ELAVL2: variants seen among roughly 807,000 people sequenced by gnomAD.
The protein encoded by ELAVL2 is ELAV like RNA binding protein 2, also known as ELAV-like protein 2.
Under a neutral mutation model 34.6 loss-of-function variants are expected in ELAVL2, and 4 were observed. That is an observed-to-expected ratio of 0.12 (90% CI 0.06 to 0.26). The LOEUF (loss-of-function observed/expected upper bound fraction) is 0.26. ELAVL2 is among the 10% of genes least tolerant of loss of function. ELAVL2 has a pLI of 1.00. For missense variants in ELAVL2, 432 were observed against 442.8 expected (o/e 0.98, Z 0.22); for synonymous variants, 193 against 154.8 (o/e 1.25, Z -1.83).
chr9:23,796,067 T>C (rs982247447), intron 1 of ELAVL2, among the ~76,000 whole-genome samples: 2 of 152,222 alleles, frequency 1.3e-5, no homozygotes, highest in African/African-American at 4.8e-5. Context: ...TTAATTTTTA[T>C]GAGAAACAAA....
At chr9:23,760,754 A>G (rs1327290616) in intron 2 of ELAVL2, among the ~76,000 whole-genome samples, 1 of 152,042 alleles carries the variant, frequency 6.6e-6, no homozygotes, top group African/African-American at 2.4e-5. Context: ...TTTGCTATGG[A>G]TCAATGACAA....
At chr9:23,701,293 G>A in intron 5 of ELAVL2, 86 bp downstream of exon 5, 2 of 1,421,744 alleles carry the variant, frequency 1.4e-6, no homozygotes, top group South Asian at 2.5e-5. Context: ...GCAAACCAGA[G>A]ATCCTGTCAA....
chr9:23,790,175 A>C (rs944180922), intron 1 of ELAVL2, among the ~76,000 whole-genome samples: 1 of 152,184 alleles, frequency 6.6e-6, no homozygotes, highest in Non-Finnish European at 1.5e-5. Context: ...TTTGTACTGG[A>C]AACAAAACAG....
In ELAVL2 at chr9:23,734,956, T is replaced by C. The variant is rs577480931; in HGVS notation, c.230-3831A>G. 9.1e-4 allele frequency among the ~76,000 whole-genome samples: 139 copies of C among 152,040 alleles called. 2 individuals carry two copies. The South Asian group carries it at 0.011, about 12-fold the overall frequency. On this transcript the variant is annotated intron_variant, in intron 2 of 6. Coordinates refer to ENST00000397312, the MANE Select transcript of ELAVL2 (RefSeq NM_004432.5). ...CCTATTTTTCAAGTCTCTCTGAATTTAGAATGTGCATACTGATAATCCCCA... is the reference window on the plus strand; with the variant it reads ...CCTATTTTTCAAGTCTCTCTGAATTCAGAATGTGCATACTGATAATCCCCA...
chr9:23,834,087 G>A, the ELAVL2 span, among the ~76,000 whole-genome samples: 1 of 151,928 alleles, frequency 6.6e-6, no homozygotes, highest in African/African-American at 2.4e-5. Flanking sequence ...AATTAGATTA[G>A]AGACAATAAA....
At chr9:23,782,289 A>G (rs2059164526) in intron 1 of ELAVL2, among the ~76,000 whole-genome samples, 1 of 152,258 alleles carries the variant, frequency 6.6e-6, no homozygotes, top group African/African-American at 2.4e-5. Flanking sequence ...CTCAGAGGCT[A>G]GCATAGTGCT....
At chr9:23,798,919 A>T (rs763147493) in intron 1 of ELAVL2, among the ~76,000 whole-genome samples, 14 of 152,214 alleles carry the variant, frequency 9.2e-5, no homozygotes, top group Non-Finnish European at 1.8e-4. Context: ...ACAACCTAAT[A>T]GGCATCATTT....
chr9:23,836,950 A>G, the ELAVL2 span, among the ~76,000 whole-genome samples: 8,275 of 152,266 alleles, frequency 0.054, 250 homozygotes, highest in South Asian at 0.17. Flanking sequence ...TAGAGGAATT[A>G]GAACCAACAC....
chr9:23,825,262 T>G (rs2065227700), intron 1 of ELAVL2, among the ~76,000 whole-genome samples: 1 of 152,152 alleles, frequency 6.6e-6, no homozygotes, highest in Admixed American at 6.5e-5. Context: ...TGTACTTTTT[T>G]CAGTCAACTA....
chr9:23,758,758 T>A (rs1244273395), intron 2 of ELAVL2, among the ~76,000 whole-genome samples: 4 of 152,128 alleles, frequency 2.6e-5, no homozygotes, highest in African/African-American at 9.7e-5. Flanking sequence ...CGGGGAACTA[T>A]AATTCAAACA....
intron 1 of ELAVL2, among the ~76,000 whole-genome samples, chr9:23,802,758 T>C (rs1198070053): frequency 9.2e-5 from 14 of 152,214 alleles, no homozygotes; most frequent in Admixed American, 9.2e-4. Context: ...ATTCAGTCTG[T>C]TGCAATGAGA....
At chr9:23,791,132 G>A (rs2060272614) in intron 1 of ELAVL2, among the ~76,000 whole-genome samples, 1 of 152,172 alleles carries the variant, frequency 6.6e-6, no homozygotes, top group African/African-American at 2.4e-5. Context: ...GAAATCAATT[G>A]TATATCAATT....
At chr9:23,829,307 A>G (rs564769818), upstream of ELAVL2, among the ~76,000 whole-genome samples, 1 of 152,336 alleles carries the variant, frequency 6.6e-6, no homozygotes, top group African/African-American at 2.4e-5. Flanking sequence ...ACATTTATTC[A>G]TAAGAATATG....
At chr9:23,805,504 C>T (rs926228338) in intron 1 of ELAVL2, among the ~76,000 whole-genome samples, 1 of 152,148 alleles carries the variant, frequency 6.6e-6, no homozygotes, top group Non-Finnish European at 1.5e-5. Context: ...TGCTTTAGAA[C>T]GAACAGTTCT....
chr9:23,768,188 T>C (rs1479799106), intron 1 of ELAVL2, among the ~76,000 whole-genome samples: 1 of 152,172 alleles, frequency 6.6e-6, no homozygotes, highest in Non-Finnish European at 1.5e-5. Flanking sequence ...TACAACTACT[T>C]TTATCAGCCC....
intron 1 of ELAVL2, among the ~76,000 whole-genome samples, chr9:23,796,496 T>G (rs915147688): frequency 6.6e-6 from 1 of 152,238 alleles, no homozygotes; most frequent in East Asian, 1.9e-4. Flanking sequence ...AGCAAAATAC[T>G]GCCAAAAGGC....
intron 3 of ELAVL2, among the ~76,000 whole-genome samples, chr9:23,724,679 T>C (rs904010442): frequency 6.6e-6 from 1 of 152,186 alleles, no homozygotes; most frequent in Non-Finnish European, 1.5e-5. Context: ...TTTATTTAAA[T>C]GTATTGAAGA....
chr9:23,765,645 C>A (rs938190719), intron 1 of ELAVL2, among the ~76,000 whole-genome samples: 8 of 152,100 alleles, frequency 5.3e-5, no homozygotes, highest in African/African-American at 1.9e-4. Context: ...TGAATCGAAA[C>A]CCTGTGAGGT....
At chr9:23,791,180 A>C (rs1485788027) in intron 1 of ELAVL2, among the ~76,000 whole-genome samples, 1 of 152,226 alleles carries the variant, frequency 6.6e-6, no homozygotes, top group African/African-American at 2.4e-5. Flanking sequence ...GTGGTCACAA[A>C]CTACTGTACA....
Sources: gnomAD v4.1 joint callset for allele counts (sites outside exome capture counted in the v4.1 genomes callset) on GRCh38, gnomAD v4.1.1 for gene constraint, MANE v1.5 for transcripts, NCBI Gene and HGNC (gene_info 2026-07-23, HGNC 2026-07-21) for gene names.